The following MFN1 variants were observed in gnomAD, a reference collection of about 807,000 sequenced individuals.
The protein encoded by MFN1 is mitofusin-1.
In MFN1, 65 loss-of-function variants were observed where a neutral mutation model predicts 92.4. The ratio of observed to expected loss-of-function variants is 0.70; its 90% CI spans 0.58 to 0.86. The LOEUF is 0.86. MFN1 is among the 40% of genes least tolerant of loss of function. The pLI is 0.00. For missense variants in MFN1, 781 were observed against 868.0 expected (o/e 0.90, Z 1.26); for synonymous variants, 297 against 300.9 (o/e 0.99, Z 0.13).
intron 14 of MFN1, among the ~76,000 whole-genome samples, chr3:179,380,004 G>A (rs1157419848): frequency 1.3e-5 from 2 of 152,126 alleles, no homozygotes; most frequent in Non-Finnish European, 2.9e-5. Flanking sequence ...CAGTGAACAC[G>A]TGCCACTTAA....
At chr3:179,374,324 CAT>C (rs1332882156) in intron 9 of MFN1, among the ~76,000 whole-genome samples, 1 of 51,438 alleles carries the variant, frequency 1.9e-5, no homozygotes, top group Admixed American at 2.4e-4. Context: ...ACATATATAA[CAT>C]ATATATGTAA....
rs1475998494 is a variant in MFN1 at position 179,385,655 on chromosome 3, A to G, written c.1749A>G (p.Thr583=). The change falls in exon 15 of 18, where the codon ACA becomes ACG. Residue 583 remains threonine, a synonymous_variant. Coordinates refer to ENST00000471841, the MANE Select transcript of MFN1 (RefSeq NM_033540.3). ...CATCACAGGAAGAACTCATGATTACATTAGTAACAGGATTGGCGTCCGTTA... is the reference window on the plus strand; with the variant it reads ...CATCACAGGAAGAACTCATGATTACGTTAGTAACAGGATTGGCGTCCGTTA... The part of the protein sequence containing the change: ...DNASQEELMI[T]LVTGLASVTS... 1 of 1,613,926 alleles carries G rather than the reference A, an allele frequency of 6.2e-7. No individual in the cohort carries two copies. The highest frequency in any genetic ancestry group is 1.7e-5 in the Admixed American group (1 of 60,000).
intron 10 of MFN1, among the ~76,000 whole-genome samples, chr3:179,376,503 C>T (rs953780642): frequency 6.6e-6 from 1 of 152,080 alleles, no homozygotes; most frequent in African/African-American, 2.4e-5. Context: ...TCTTTATTTT[C>T]CTGTATCAGC....
chr3:179,348,373 C>T (rs535296811), intron 1 of MFN1, among the ~76,000 whole-genome samples: 8 of 152,216 alleles, frequency 5.3e-5, no homozygotes, highest in Non-Finnish European at 8.8e-5. Context: ...CGTTAATGCC[C>T]TCTTGAAGCC....
intron 16 of MFN1, among the ~76,000 whole-genome samples, chr3:179,388,550 T>C (rs1220285952): frequency 1.3e-5 from 2 of 152,180 alleles, no homozygotes; most frequent in East Asian, 3.8e-4. Context: ...ATTTAAAAAT[T>C]CTTTGAGTTC....
intron 14 of MFN1, among the ~76,000 whole-genome samples, chr3:179,381,645 T>TA (rs1713471370): frequency 1.3e-5 from 2 of 152,234 alleles, no homozygotes; most frequent in Admixed American, 1.3e-4. Flanking sequence ...CAAACAACCA[T>TA]AGAGTGTTCA....
intron 6 of MFN1, 21 bp from the exon 7 acceptor site, chr3:179,365,097 G>T: frequency 7.5e-7 from 1 of 1,337,056 alleles, no homozygotes; most frequent in Non-Finnish European, 1.0e-6. Context: ...AATGTACTGT[G>T]GGGTTTTTTT....
At chr3:179,349,656 C>A (rs919306678) in intron 2 of MFN1, among the ~76,000 whole-genome samples, 3 of 151,886 alleles carry the variant, frequency 2.0e-5, no homozygotes, top group African/African-American at 7.3e-5. Flanking sequence ...CTACAGTGCA[C>A]GTGCCACCAT....
chr3:179,352,130 C>A (rs1033715644), intron 3 of MFN1, 95 bp downstream of exon 3: 3 of 1,321,702 alleles, frequency 2.3e-6, no homozygotes, highest in Non-Finnish European at 3.1e-6. Flanking sequence ...CTCCCCCAGC[C>A]CCGCAAGTTT....
At chr3:179,379,704 A>G (rs1477020533) in intron 14 of MFN1, among the ~76,000 whole-genome samples, 1 of 152,222 alleles carries the variant, frequency 6.6e-6, no homozygotes, top group African/African-American at 2.4e-5. Flanking sequence ...TGACATTGAT[A>G]AGAAAAAGAA....
At chr3:179,358,296 G>C (rs990626686) in intron 3 of MFN1, among the ~76,000 whole-genome samples, 44 of 151,514 alleles carry the variant, frequency 2.9e-4, no homozygotes, top group African/African-American at 1.9e-4. Context: ...GATTACAGGG[G>C]CCCCCCCACC....
At chr3:179,384,900 C>CTTTTTTTTTTTTTTT (rs35563595) in intron 14 of MFN1, among the ~76,000 whole-genome samples, 1 of 84,632 alleles carries the variant, frequency 1.2e-5, no homozygotes, top group African/African-American at 4.9e-5. Context: ...TTTTGAAGTC[C>CTTTTTTTTTTTTTTT]TTTTTTTTTT....
At chr3:179,353,021 G>A (rs1046543858) in intron 3 of MFN1, among the ~76,000 whole-genome samples, 15 of 150,302 alleles carry the variant, frequency 1.0e-4, no homozygotes, top group Non-Finnish European at 1.6e-4. Flanking sequence ...CAAAGTGTTG[G>A]AATTACAGGC....
intron 3 of MFN1, among the ~76,000 whole-genome samples, chr3:179,354,170 A>G (rs748768767): frequency 3.9e-5 from 6 of 152,166 alleles, no homozygotes; most frequent in Admixed American, 1.3e-4. Flanking sequence ...TGATGACTCA[A>G]CTGTCCTACT....
At chr3:179,374,719 C>A (rs1453987281) in intron 9 of MFN1, among the ~76,000 whole-genome samples, 1 of 152,120 alleles carries the variant, frequency 6.6e-6, no homozygotes, top group East Asian at 1.9e-4. Context: ...AAATTCTTCA[C>A]ATTTTAACTC....
rs1280015427 is a variant in MFN1 at position 179,386,563 on chromosome 3, A to T, written c.1946A>T (p.Tyr649Phe). 4 of 1,614,152 alleles carry T rather than the reference A, an allele frequency of 2.5e-6. No individual in the cohort carries two copies. The highest frequency in any genetic ancestry group is 3.4e-6 in the Non-Finnish European group (4 of 1,180,006). The change falls in exon 16 of 18, where the codon TAT (tyrosine) becomes TTT (phenylalanine). Residue 649 changes from tyrosine to phenylalanine, a missense_variant. By Grantham distance (22) the Tyr-to-Phe change is conservative. Coordinates refer to ENST00000471841, the MANE Select transcript of MFN1 (RefSeq NM_033540.3). ...ERAFKQQFVN[Y>F]ATEKLRMIVS... ...GCCTTTAAACAGCAGTTTGTAAACT[A>T]TGCAACTGAAAAACTGAGGATGATT...
chr3:179,363,736 G>GC (rs1192010906), intron 5 of MFN1, among the ~76,000 whole-genome samples: 1 of 151,932 alleles, frequency 6.6e-6, no homozygotes, highest in Non-Finnish European at 1.5e-5. Context: ...TCAAACTCCC[G>GC]CCTTGGCATC....
rs573534106 is a variant in MFN1, at chr3:179,354,571, G to A, written c.248+2536G>A. Among the ~76,000 whole-genome samples the A allele has an allele frequency of 3.0e-3, 457 of 152,304 alleles. 5 individuals carry two copies. The highest frequency in any genetic ancestry group is 0.011 in the African/African-American group (444 of 41,564). ...CCAAGAGAGGGTTCTTGGACCTTGC[G>A]CAAGAAGGAATTCCGGATGGGTCCA... is the stretch of plus-strand genomic sequence containing the variant. On this transcript the variant is annotated intron_variant, in intron 3 of 17. Transcript: ENST00000471841.
intron 14 of MFN1, among the ~76,000 whole-genome samples, chr3:179,382,782 T>TA (rs1294027407): frequency 6.6e-6 from 1 of 152,252 alleles, no homozygotes; most frequent in Non-Finnish European, 1.5e-5. Flanking sequence ...TGTGAGATGA[T>TA]ATCTCATTGT....
Sources: allele counts gnomAD v4.1 joint callset (sites outside exome capture counted in the v4.1 genomes callset), GRCh38; gene constraint gnomAD v4.1.1; transcripts MANE v1.5; gene names NCBI Gene and HGNC (gene_info 2026-07-23, HGNC 2026-07-21).